DNAJC13: variants seen among roughly 807,000 people sequenced by gnomAD.
DNAJC13 encodes dnaJ homolog subfamily C member 13.
Under a neutral mutation model 290.5 loss-of-function variants are expected in DNAJC13, and 75 were observed. The observed-to-expected ratio is 0.26, with a 90% CI of 0.21 to 0.31. The LOEUF (loss-of-function observed/expected upper bound fraction) is 0.31. Ranked by LOEUF, DNAJC13 falls within the 10% of genes least tolerant of loss-of-function variation. DNAJC13 has a pLI of 1.00. For synonymous variants in DNAJC13, 862 were observed against 892.0 expected (o/e 0.97, Z 0.60); for missense variants, 2,260 against 2,674.5 (o/e 0.85, Z 3.42).
chr3:132,523,163 T>TA lies in DNAJC13; in HGVS notation c.5855dup (p.Asn1952LysfsTer7), dbSNP rs1936143904. 6.2e-7 allele frequency: 1 copy of TA among 1,613,952 alleles called. No individual in the cohort carries two copies. Among genetic ancestry groups the TA allele is most frequent in the Non-Finnish European group, 8.5e-7 (1 of 1,179,888 alleles). On this transcript the variant is annotated frameshift_variant, in exon 50 of 56. Transcript: ENST00000260818. LOFTEE classifies it high-confidence loss of function. The stretch of plus-strand genomic sequence containing the variant: ...ATCCCTTTTTTTCCCCAAGGCACTT[T>TA]AAAAATCAGCAGGACAACCCTGAGG...
Position 132,454,168 on chromosome 3 carries a change from T to G in DNAJC13, c.932+11T>G, listed in dbSNP as rs1238475014. 1.3e-6 allele frequency: 2 copies of G among 1,580,380 alleles called. No homozygotes were observed. Among genetic ancestry groups the G allele is most frequent in the East Asian group, 4.5e-5 (2 of 44,178 alleles). ...TTCTTCAACAGAGAGGTATTTTTTT[T>G]TTTTTAAGTTTTTGAAATCCTAGTT... On this transcript the variant is annotated intron_variant, in intron 9 of 55. Transcript: ENST00000260818.
At chr3:132,458,258 A>G (rs1483554260) in intron 13 of DNAJC13, 1 of 152,162 alleles carries the variant, frequency 6.6e-6, no homozygotes, top group Non-Finnish European at 1.5e-5. Context: ...TTTTGTGTGT[A>G]GTACCTGGGA....
At position 132,513,080 on chromosome 3, in the gene DNAJC13, T is replaced by C. The variant is rs1276837251; in HGVS notation, c.5366T>C (p.Val1789Ala). Reference sequence around the variant, plus strand: ...CTCCGAGTTCATGGAGCTGGTCAAGTGCAGCAGTTGGCTTTAGAGGTAAAA... The same window carrying C: ...CTCCGAGTTCATGGAGCTGGTCAAGCGCAGCAGTTGGCTTTAGAGGTAAAA... The part of the protein sequence containing the change: ...SLLRVHGAGQ[V>A]QQLALEVVNI... Residue 1789 changes from valine to alanine, a missense_variant, in exon 45 of 56, where the codon GTG becomes GCG. Val to Ala is a moderately conservative substitution (Grantham distance 64). This residue lies in a region of DNAJC13 where 1,494 missense variants were observed against 1,693.7 expected (regional missense o/e 0.88). Coordinates refer to ENST00000260818, the MANE Select transcript of DNAJC13 (RefSeq NM_015268.4). The C allele has an allele frequency of 1.9e-6, 3 of 1,613,376 alleles. No homozygotes were observed. The highest frequency in any genetic ancestry group is 1.7e-5 in the Admixed American group (1 of 59,980).
Position 132,522,884 on chromosome 3 carries a change from C to T in DNAJC13, c.5730C>T (p.Asp1910=). ...LPSVFMDAMR[D]NPEAAVHIFE... is the part of the protein sequence containing the mutation. ...GCGTTTTCATGGATGCTATGAGAGA[C>T]AATCCTGAAGCTGCTGTACATATTT... is the stretch of plus-strand genomic sequence containing the variant. The change falls in exon 49 of 56, where the codon GAC becomes GAT. Residue 1910 remains aspartate, a synonymous_variant. Coordinates refer to ENST00000260818, the MANE Select transcript of DNAJC13 (RefSeq NM_015268.4). The T allele has an allele frequency of 1.2e-6, 2 of 1,613,382 alleles. No individual in the cohort carries two copies. The highest frequency in any genetic ancestry group is 2.2e-5 in the East Asian group (1 of 44,832).
At chr3:132,471,335 C>G (rs544729866) in intron 20 of DNAJC13, among the ~76,000 whole-genome samples, 4 of 133,924 alleles carry the variant, frequency 3.0e-5, no homozygotes, top group Non-Finnish European at 4.8e-5. Context: ...GCTGGCCGGG[C>G]GGGGGGTTGA....
rs1934028062 is a variant in DNAJC13, at chr3:132,467,272, T to C, written c.2167T>C (p.Leu723=). Residue 723 remains leucine (L), a synonymous_variant, in exon 20 of 56, where the codon TTG becomes CTG. Transcript: ENST00000260818. ...TGCCAAAGAAAAAGTGGATCTTGTA[T>C]TGATGCACTGGAGGGATAGGATGGG... is the stretch of plus-strand genomic sequence containing the variant. ...KFAKEKVDLV[L]MHWRDRMGIA... is the part of the protein sequence containing the mutation. The C allele has an allele frequency of 1.9e-6, 3 of 1,613,998 alleles. No individual in the cohort carries two copies. The highest frequency in any genetic ancestry group is 2.7e-5 in the African/African-American group (2 of 75,032).
intron 20 of DNAJC13, among the ~76,000 whole-genome samples, chr3:132,469,199 G>C (rs551280139): frequency 6.0e-4 from 92 of 152,282 alleles, no homozygotes; most frequent in Non-Finnish European, 1.1e-3. Flanking sequence ...TTAGGGAACA[G>C]CAAATAATCT....
chr3:132,479,397 C>A, intron 25 of DNAJC13, 108 bp downstream of exon 25: 1 of 743,332 alleles, frequency 1.3e-6, no homozygotes, highest in Non-Finnish European at 2.3e-6. Context: ...TCTGTCTTCT[C>A]CTTTTTAGAC....
rs764501989 is a variant in DNAJC13, at chr3:132,454,126, G to C, written c.901G>C (p.Gly301Arg). ...ACTTTTTACCATTGAATTTATAAAA[G>C]GGCAAGTACGGAAATATTCTTCAAC... Reference protein sequence around the residue: ...PQLFTIEFIKGQVRKYSSTER... With the variant: ...PQLFTIEFIKRQVRKYSSTER... The change falls in exon 9 of 56, where the codon GGG (glycine) becomes CGG (arginine). Residue 301 changes from glycine (G) to arginine (R), a missense_variant. Physicochemically the swap from Gly to Arg is moderately radical, Grantham distance 125. This residue lies in a region of DNAJC13 where 762 missense variants were observed against 964.1 expected (regional missense o/e 0.79). Transcript: ENST00000260818. 1.9e-6 allele frequency: 3 copies of C among 1,606,780 alleles called. No homozygotes were observed. Among genetic ancestry groups the C allele is most frequent in the East Asian group, 2.2e-5 (1 of 44,516 alleles).
At position 132,503,326 on chromosome 3, in the gene DNAJC13, C is replaced by T. The variant is rs1935481084; in HGVS notation, c.4829C>T (p.Ala1610Val). 1 of 1,614,018 alleles carries T rather than the reference C, an allele frequency of 6.2e-7. No homozygotes were observed. Among genetic ancestry groups the T allele is most frequent in the African/African-American group, 1.3e-5 (1 of 74,936 alleles). ...AATCCAACCATAAGGAAAAGCTTAG[C>T]TGGCATGCTGACACCCTATGTTGCT... ...PENPTIRKSL[A>V]GMLTPYVARK... The change falls in exon 41 of 56, where the codon GCT becomes GTT. Residue 1610 changes from alanine to valine, a missense_variant. Physicochemically the swap from Ala to Val is moderately conservative, Grantham distance 64 (BLOSUM62 0). Around this residue, in one of 3 missense-constraint regions of DNAJC13, gnomAD observed 1,494 missense variants for 1,693.7 expected, o/e 0.88. Coordinates refer to ENST00000260818, the MANE Select transcript of DNAJC13 (RefSeq NM_015268.4).
chr3:132,467,357 T>C (rs2107679320), intron 20 of DNAJC13, 44 bp downstream of exon 20: 3 of 1,603,676 alleles, frequency 1.9e-6, no homozygotes, highest in East Asian at 4.5e-5. Flanking sequence ...CTTCTGTGTG[T>C]CCTAGTCTAC....
At chr3:132,432,359 C>G (rs890928861) in intron 1 of DNAJC13, among the ~76,000 whole-genome samples, 1 of 151,998 alleles carries the variant, frequency 6.6e-6, no homozygotes, top group Non-Finnish European at 1.5e-5. Flanking sequence ...TCTGCCACCA[C>G]GCCCGGCTGA....
chr3:132,467,117 T>A, intron 19 of DNAJC13, 53 bp from the exon 20 acceptor site: 1 of 1,566,068 alleles, frequency 6.4e-7, no homozygotes, highest in Non-Finnish European at 8.6e-7. Context: ...TACATAGAGT[T>A]TTAAAATAAA....
chr3:132,426,109 C>T (rs551234585), intron 1 of DNAJC13, among the ~76,000 whole-genome samples: 24 of 152,228 alleles, frequency 1.6e-4, no homozygotes, highest in Non-Finnish European at 1.3e-4. Context: ...TTGTGTTGTT[C>T]GAAAGCATGA....
At chr3:132,537,557 A>G (rs1936635422) in intron 55 of DNAJC13, among the ~76,000 whole-genome samples, 1 of 152,250 alleles carries the variant, frequency 6.6e-6, no homozygotes, top group Non-Finnish European at 1.5e-5. Context: ...TTTTCATGCA[A>G]TAGAAACTGT....
At chr3:132,456,912 T>A in intron 12 of DNAJC13, 80 bp downstream of exon 12, 1 of 1,459,798 alleles carries the variant, frequency 6.9e-7, no homozygotes, top group African/African-American at 1.4e-5. Context: ...ATTCACCTCC[T>A]TTTCCTTGAC....
At chr3:132,494,445 T>C (rs1270459141) in intron 34 of DNAJC13, among the ~76,000 whole-genome samples, 186 bp downstream of exon 34, 1 of 152,208 alleles carries the variant, frequency 6.6e-6, no homozygotes, top group Non-Finnish European at 1.5e-5. Context: ...ATTAGCCAAA[T>C]TGTATCCTCC....
Position 132,477,966 on chromosome 3 carries a change from T to G in DNAJC13, c.2550-15T>G, listed in dbSNP as rs1448008158. 6.3e-7 allele frequency: 1 copy of G among 1,597,932 alleles called. No homozygotes were observed. Among genetic ancestry groups the G allele is most frequent in the East Asian group, 2.2e-5 (1 of 44,722 alleles). On this transcript the variant is annotated splice_polypyrimidine_tract_variant and intron_variant, in intron 23 of 55. Coordinates refer to ENST00000260818, the MANE Select transcript of DNAJC13 (RefSeq NM_015268.4). ...ATGGCTATTTCTATTGTGAACTTTT[T>G]TTTTTAAAATCTAGGTATGAATTTT...
At chr3:132,507,165 T>C in intron 42 of DNAJC13, 72 bp from the exon 43 acceptor site, 1 of 980,180 alleles carries the variant, frequency 1.0e-6, no homozygotes, top group Admixed American at 2.1e-5. Context: ...TCAAGTTATT[T>C]ATCTGTTAAG....
Sources: gnomAD v4.1 joint callset for allele counts (sites outside exome capture counted in the v4.1 genomes callset) on GRCh38, gnomAD v4.1.1 for gene constraint, gnomAD v4.1.1 regional missense constraint, MANE v1.5 for transcripts, NCBI Gene and HGNC (gene_info 2026-07-23, HGNC 2026-07-21) for gene names.